NAV2: variants seen among roughly 807,000 people sequenced by gnomAD.
NAV2 encodes neuron navigator 2.
NAV2 carries 54 observed loss-of-function variants against 223.2 expected under a neutral mutation model. The ratio of observed to expected loss-of-function variants is 0.24; its 90% CI spans 0.19 to 0.30. The LOEUF (loss-of-function observed/expected upper bound fraction) is 0.30, where lower values mean the gene tolerates loss of function less well. Ranked by LOEUF, NAV2 falls within the 10% of genes least tolerant of loss-of-function variation. The pLI is 1.00. For missense variants in NAV2, 2,806 were observed against 3,147.5 expected, an observed-to-expected ratio of 0.89 and a Z score of 2.60; for synonymous variants, 1,279 against 1,239.3, an observed-to-expected ratio of 1.03 and a Z score of -0.67.
rs200849330 is a variant in NAV2, at chr11:20,093,241, A to C, written c.5916+42A>C. 1.8e-5 allele frequency: 24 copies of C among 1,308,374 alleles called. No homozygotes were observed. The African/African-American group carries it at 3.0e-4, about 17-fold the overall frequency. The allele number at this position is 1,308,374 out of a possible 1,614,324, so 81.0% of individuals were successfully genotyped here. A position where few individuals can be genotyped will look rare whatever the true frequency, so the allele number is the denominator to read the frequency against. On this transcript the variant is annotated intron_variant, in intron 29 of 37. Transcript: ENST00000349880. ...TCCCTGCTTTGCCTGTCCCTCCCCCAGGTAGAACTACCTAGCTTAGTGATC... is the reference window on the plus strand; with the variant it reads ...TCCCTGCTTTGCCTGTCCCTCCCCCCGGTAGAACTACCTAGCTTAGTGATC...
intron 11 of NAV2, among the ~76,000 whole-genome samples, chr11:20,004,882 C>G (rs989925964): frequency 1.3e-5 from 2 of 152,170 alleles, no homozygotes; most frequent in East Asian, 1.9e-4. Flanking sequence ...AGCAAAGGCT[C>G]CAGAATAGGG....
At chr11:19,623,954 T>C (rs1245009742) in intron 1 of NAV2, among the ~76,000 whole-genome samples, 1 of 152,210 alleles carries the variant, frequency 6.6e-6, no homozygotes, top group Non-Finnish European at 1.5e-5. Flanking sequence ...TTGGTGTGGA[T>C]GTCCTTTCTG....
intron 1 of NAV2, among the ~76,000 whole-genome samples, chr11:19,688,189 A>T (rs1016473002): frequency 1.3e-5 from 2 of 152,218 alleles, no homozygotes; most frequent in African/African-American, 4.8e-5. Flanking sequence ...ACAGCCTTGA[A>T]TTGCATGATT....
At chr11:19,659,405 G>A (rs1363701234) in intron 1 of NAV2, among the ~76,000 whole-genome samples, 2 of 152,200 alleles carry the variant, frequency 1.3e-5, no homozygotes, top group African/African-American at 2.4e-5. Context: ...GGTGCAATGG[G>A]AAGGCATTGA....
Position 19,935,851 on chromosome 11 carries a change from G to GTTTTTTTTTTTTTTTTTTTTTTTTTT in NAV2, c.2033+1598_2033+1599insTTTTTTTTTTTTTTTTTTTTTTTTTT, listed in dbSNP as rs765632685. Among the ~76,000 whole-genome samples, 59 of 52,700 alleles carry GTTTTTTTTTTTTTTTTTTTTTTTTTT rather than the reference G, an allele frequency of 1.1e-3. 14 individuals are homozygous for GTTTTTTTTTTTTTTTTTTTTTTTTTT. The highest frequency in any genetic ancestry group is 1.7e-3 in the Non-Finnish European group (51 of 29,444). The allele number at this position is 52,700 out of a possible 152,430, so 34.6% of individuals were successfully genotyped here. On this transcript the variant is annotated intron_variant, in intron 7 of 37. Coordinates refer to ENST00000349880, the MANE Select transcript of NAV2 (RefSeq NM_145117.5). ...ACGGCTTTTGTTTTGTTTTGTTTCT[G>GTTTTTTTTTTTTTTTTTTTTTTTTTT]TTTTTTTTTTTTTTTTTTTTTTTTG...
At chr11:19,616,342 GC>G (rs2135374866) in intron 1 of NAV2, among the ~76,000 whole-genome samples, 3 of 147,584 alleles carry the variant, frequency 2.0e-5, no homozygotes, top group East Asian at 4.0e-4. Context: ...GTGTGCGCGC[GC>G]ATGATCTGTG....
chr11:19,934,396 C>T, intron 7 of NAV2, 119 bp downstream of exon 7: 2 of 1,205,778 alleles, frequency 1.7e-6, no homozygotes, highest in Non-Finnish European at 2.2e-6. Flanking sequence ...AAGTCAGTAG[C>T]TAAGAAACCA....
At chr11:19,446,921 C>T (rs1444249465) in intron 1 of NAV2, among the ~76,000 whole-genome samples, 2 of 152,174 alleles carry the variant, frequency 1.3e-5, no homozygotes, top group Non-Finnish European at 2.9e-5. Flanking sequence ...TCTCTAGTGC[C>T]ATGAAAGTCC....
In NAV2 at chr11:20,101,110, G is replaced by A; in HGVS notation, c.6355G>A (p.Glu2119Lys). The part of the protein sequence containing the change: ...NRLSEYIVLR[E>K]GRELTDGVIA... ...GCTGTCTGAGTATATAGTGCTTCGA[G>A]AGGGACGGGAGTTGACAGACGGGGT... The change falls in exon 32 of 38, where the codon GAG becomes AAG. Residue 2119 changes from glutamate (E) to lysine (K), a missense_variant. This residue lies in a region of NAV2 where 824 missense variants were observed against 1,069.4 expected (regional missense o/e 0.77). Transcript: ENST00000349880. 6.2e-7 allele frequency: 1 copy of A among 1,614,172 alleles called. No individual in the cohort carries two copies. Among genetic ancestry groups the A allele is most frequent in the South Asian group, 1.1e-5 (1 of 91,078 alleles).
chr11:19,702,892 T>C (rs1431228255), intron 1 of NAV2, among the ~76,000 whole-genome samples: 1 of 150,084 alleles, frequency 6.7e-6, no homozygotes, highest in Non-Finnish European at 1.5e-5. Context: ...GGAAATCCCA[T>C]GGAAAAGTAA....
At chr11:19,711,676 A>G (rs1206139526), upstream of NAV2, 1 of 152,234 alleles carries the variant, frequency 6.6e-6, no homozygotes, top group Admixed American at 6.5e-5. Flanking sequence ...AACAAAGAAG[A>G]AAGACAAATA....
At chr11:19,722,771 A>G (rs1405227338) in intron 1 of NAV2, among the ~76,000 whole-genome samples, 1 of 152,196 alleles carries the variant, frequency 6.6e-6, no homozygotes, top group African/African-American at 2.4e-5. Context: ...CCCTCTTAGG[A>G]TGTGAACTGA....
At chr11:19,478,063 C>G (rs902232377) in intron 1 of NAV2, among the ~76,000 whole-genome samples, 1 of 152,182 alleles carries the variant, frequency 6.6e-6, no homozygotes, top group Non-Finnish European at 1.5e-5. Flanking sequence ...TCAAAATGCT[C>G]AAAGAGCCCT....
At position 20,103,806 on chromosome 11, in the gene NAV2, G is replaced by C; in HGVS notation, c.6644+82G>C. On this transcript the variant is annotated intron_variant, in intron 34 of 37. Coordinates refer to ENST00000349880, the MANE Select transcript of NAV2 (RefSeq NM_145117.5). ...AGAAGGGGCGGGTAGAGATGCCTGT[G>C]TTGAGTATGTGTTGTATGCTAGGTA... The C allele has an allele frequency of 2.5e-6, 3 of 1,210,370 alleles. No individual in the cohort carries two copies. In the South Asian group the frequency reaches 3.6e-5, roughly 15 times the overall value. 75.0% of individuals were successfully genotyped at this position (1,210,370 alleles called of 1,614,324 possible).
rs2052570784 is a variant in NAV2, at chr11:19,739,007, G to T, written c.267+25045G>T. ...ACTAGCCTGGGCAACATGGTGAAAC[G>T]CCATCACTACAAAAAATACAAAAAT... On this transcript the variant is annotated intron_variant, in intron 1 of 37. Transcript: ENST00000349880. Among the ~76,000 whole-genome samples, 10 of 144,024 alleles carry T rather than the reference G, an allele frequency of 6.9e-5. No homozygotes were observed. In the South Asian group the frequency reaches 2.2e-3, roughly 32 times the overall value. The allele number at this position is 144,024 out of a possible 152,430, so 94.5% of individuals were successfully genotyped here.
intron 1 of NAV2, among the ~76,000 whole-genome samples, chr11:19,801,488 C>A (rs2152770798): frequency 6.6e-6 from 1 of 152,368 alleles, no homozygotes; most frequent in Admixed American, 6.5e-5. Flanking sequence ...TTCCTCTTCC[C>A]TCTCTGAGGC....
intron 1 of NAV2, among the ~76,000 whole-genome samples, chr11:19,489,590 T>A (rs1262898843): frequency 6.6e-6 from 1 of 152,198 alleles, no homozygotes; most frequent in Non-Finnish European, 1.5e-5. Flanking sequence ...AGCTTGGATG[T>A]CAGAAGTTAA....
chr11:19,610,805 AGTGGATG>A (rs1405538688), intron 1 of NAV2, among the ~76,000 whole-genome samples: 2 of 151,456 alleles, frequency 1.3e-5, no homozygotes, highest in African/African-American at 4.9e-5. Context: ...TGGATGGGGC[AGTGGATG>A]GATGGATGGA....
intron 6 of NAV2, among the ~76,000 whole-genome samples, chr11:19,893,630 T>C (rs1234472584): frequency 6.6e-6 from 1 of 152,164 alleles, no homozygotes; most frequent in African/African-American, 2.4e-5. Context: ...TTTTCCTCCC[T>C]ACATATGAAG....
Sources: gnomAD v4.1 joint callset for allele counts (sites outside exome capture counted in the v4.1 genomes callset) on GRCh38, gnomAD v4.1.1 for gene constraint, gnomAD v4.1.1 regional missense constraint, MANE v1.5 for transcripts, NCBI Gene and HGNC (gene_info 2026-07-23, HGNC 2026-07-21) for gene names.